LCMT1: variants seen among roughly 807,000 people sequenced by gnomAD.
LCMT1 encodes the protein leucine carboxyl methyltransferase 1, also known as [Phosphatase 2A protein]-leucine-carboxy methyltransferase 1.
In LCMT1, 32 loss-of-function variants were observed where a neutral mutation model predicts 47.7. The observed-to-expected ratio is 0.67, with a 90% CI of 0.51 to 0.90. The LOEUF is 0.90. Ranked by LOEUF, LCMT1 falls within the 40% of genes least tolerant of loss-of-function variation. The probability of loss-of-function intolerance (pLI) is 0.00; values close to 1 mark genes in which losing one functional copy is unlikely to be tolerated. For synonymous variants in LCMT1, 152 were observed against 149.7 expected (o/e 1.02, Z -0.11); for missense variants, 375 against 415.2 (o/e 0.90, Z 0.84).
chr16:25,117,575 C>G (rs892241970), intron 1 of LCMT1, among the ~76,000 whole-genome samples: 3 of 152,160 alleles, frequency 2.0e-5, no homozygotes, highest in African/African-American at 7.2e-5. Context: ...AAGTTAAGGC[C>G]TGGTGCGGTG....
Position 25,140,159 on chromosome 16 carries a change from G to T in LCMT1, c.328-12G>T, listed in dbSNP as rs376903180. 6 of 1,594,736 alleles carry T rather than the reference G, an allele frequency of 3.8e-6. No homozygotes were observed. In the East Asian group the frequency reaches 1.3e-4, roughly 36 times the overall value. On this transcript the variant is annotated splice_polypyrimidine_tract_variant and intron_variant, in intron 3 of 10. Transcript: ENST00000399069. ...AGTAAAGAAATAAAAAGTATTGTGT[G>T]TTTTTCCCCAGGATGAAGATCTTCT...
intron 8 of LCMT1, chr16:25,169,487 C>T (rs1017688988): frequency 6.7e-6 from 2 of 298,078 alleles, no homozygotes; most frequent in Non-Finnish European, 1.3e-5. Flanking sequence ...TAAACACACA[C>T]GTCTCATCAC....
At chr16:25,152,811 A>C (rs899195627) in intron 5 of LCMT1, among the ~76,000 whole-genome samples, 1 of 151,880 alleles carries the variant, frequency 6.6e-6, no homozygotes, top group African/African-American at 2.4e-5. Context: ...CTGGCAGTCA[A>C]TTTTCTCCGT....
intron 4 of LCMT1, among the ~76,000 whole-genome samples, chr16:25,151,003 AG>A (rs1961062435): frequency 6.6e-6 from 1 of 152,184 alleles, no homozygotes; most frequent in Non-Finnish European, 1.5e-5. Context: ...TTCCGGGGAC[AG>A]AAAGTGTGTT....
chr16:25,173,715 GT>G (rs11378137), intron 9 of LCMT1, among the ~76,000 whole-genome samples: 2 of 149,962 alleles, frequency 1.3e-5, no homozygotes, highest in South Asian at 2.1e-4. Flanking sequence ...CTTTTTTTTT[GT>G]TTTTTTTTGA....
At chr16:25,156,972 C>A (rs1425511988) in intron 5 of LCMT1, among the ~76,000 whole-genome samples, 1 of 145,194 alleles carries the variant, frequency 6.9e-6, no homozygotes, top group African/African-American at 2.6e-5. Flanking sequence ...ATTGAAGGAT[C>A]CTAGGAAAAT....
rs563377321 is a variant in LCMT1, at chr16:25,152,668, C to G, written c.466+1053C>G. Among the ~76,000 whole-genome samples the G allele has an allele frequency of 5.9e-5, 9 of 152,216 alleles. No individual in the cohort carries two copies. In the East Asian group the frequency reaches 1.5e-3, roughly 26 times the overall value. ...AACATTAGGCCATGTAATATTACCA[C>G]GATTTCTACATGGGAACAATTAAAT... On this transcript the variant is annotated intron_variant, in intron 5 of 10. Transcript: ENST00000399069.
chr16:25,127,681 C>T (rs1166177332), intron 1 of LCMT1, among the ~76,000 whole-genome samples: 1 of 152,330 alleles, frequency 6.6e-6, no homozygotes, highest in Middle Eastern at 3.4e-3. Context: ...GTAACAGAAG[C>T]CTGACTCAAA....
intron 1 of LCMT1, among the ~76,000 whole-genome samples, chr16:25,119,661 A>G (rs913081443): frequency 1.3e-5 from 2 of 152,112 alleles, no homozygotes; most frequent in Admixed American, 6.6e-5. Context: ...GCAGGTCACA[A>G]GGTCTCTCCA....
chr16:25,131,626 G>A (rs1960351221), intron 2 of LCMT1, among the ~76,000 whole-genome samples: 5 of 152,136 alleles, frequency 3.3e-5, no homozygotes, highest in African/African-American at 9.7e-5. Context: ...TAACAGCCAT[G>A]CACATACTTT....
intron 2 of LCMT1, chr16:25,132,104 G>T (rs777174428): frequency 2.2e-6 from 1 of 446,728 alleles, no homozygotes; most frequent in South Asian, 1.8e-5. Flanking sequence ...TTCCAAGATG[G>T]ACTTTAGACG....
intron 4 of LCMT1, chr16:25,146,207 G>C (rs1272678175): frequency 6.6e-6 from 1 of 152,308 alleles, no homozygotes; most frequent in South Asian, 2.1e-4. Context: ...GGTCAGGACC[G>C]AGCAGGCAGC....
intron 1 of LCMT1, among the ~76,000 whole-genome samples, chr16:25,126,721 T>A (rs1409445406): frequency 6.6e-6 from 1 of 152,204 alleles, no homozygotes; most frequent in African/African-American, 2.4e-5. Flanking sequence ...AGTTATGGCT[T>A]CCAGAGGGAG....
Position 25,165,659 on chromosome 16 carries a change from A to G in LCMT1, c.690+941A>G, listed in dbSNP as rs112947865. Among the ~76,000 whole-genome samples the G allele has an allele frequency of 3.9e-3, 598 of 151,984 alleles. 5 individuals carry two copies. Among genetic ancestry groups the G allele is most frequent in the African/African-American group, 0.013 (531 of 41,456 alleles). On this transcript the variant is annotated intron_variant, in intron 7 of 10. Coordinates refer to ENST00000399069, the MANE Select transcript of LCMT1 (RefSeq NM_016309.3). Reference sequence around the variant, plus strand: ...CAGCCTTCCAAGTAGCTGGGATCACAGGCGTGCACCATCACACCCAGCTAA... The same window carrying G: ...CAGCCTTCCAAGTAGCTGGGATCACGGGCGTGCACCATCACACCCAGCTAA...
intron 1 of LCMT1, among the ~76,000 whole-genome samples, chr16:25,124,310 ACAT>A (rs1173162860): frequency 6.6e-6 from 1 of 152,242 alleles, no homozygotes; most frequent in African/African-American, 2.4e-5. Flanking sequence ...AAACACACAC[ACAT>A]CATTTAAGCA....
At chr16:25,138,469 G>T (rs1052353368) in intron 3 of LCMT1, among the ~76,000 whole-genome samples, 4 of 151,978 alleles carry the variant, frequency 2.6e-5, no homozygotes, top group African/African-American at 9.7e-5. Context: ...GGGTAGGGAG[G>T]GTGTAGCTAC....
intron 4 of LCMT1, chr16:25,143,106 G>T (rs1960743597): frequency 6.6e-6 from 1 of 152,158 alleles, no homozygotes; most frequent in Admixed American, 6.6e-5. Flanking sequence ...GGACTGGCAG[G>T]ATTTTGTTTC....
At chr16:25,133,061 A>G (rs528260995) in intron 3 of LCMT1, among the ~76,000 whole-genome samples, 28 of 152,106 alleles carry the variant, frequency 1.8e-4, no homozygotes, top group African/African-American at 6.7e-4. Context: ...CGGTCTCACT[A>G]TGTTGCCCAG....
chr16:25,115,243 C>G (rs578246925), intron 1 of LCMT1, among the ~76,000 whole-genome samples: 13 of 152,312 alleles, frequency 8.5e-5, no homozygotes, highest in African/African-American at 2.4e-4. Context: ...TTCTCTCTGT[C>G]TTTTAGATGT....
Sources: allele counts gnomAD v4.1 joint callset (sites outside exome capture counted in the v4.1 genomes callset), GRCh38; gene constraint gnomAD v4.1.1; transcripts MANE v1.5; gene names NCBI Gene and HGNC (gene_info 2026-07-23, HGNC 2026-07-21).